KCNIP1: variants seen among roughly 807,000 people sequenced by gnomAD.
KCNIP1 encodes potassium voltage-gated channel interacting protein 1, also known as A-type potassium channel modulatory protein KCNIP1.
Under a neutral mutation model 33.0 loss-of-function variants are expected in KCNIP1, and 18 were observed. That is an observed-to-expected ratio of 0.55 (90% CI 0.38 to 0.81). The LOEUF is 0.81. Among genes scored for constraint, KCNIP1 ranks in the 30% least tolerant of loss-of-function variants. The probability of loss-of-function intolerance (pLI) is 0.00; values close to 1 mark genes in which losing one functional copy is unlikely to be tolerated. For missense variants in KCNIP1, 238 were observed against 271.6 expected (o/e 0.88, Z 0.87); for synonymous variants, 93 against 98.3 (o/e 0.95, Z 0.32).
chr5:170,610,450 AC>A (rs929513638), intron 1 of KCNIP1, among the ~76,000 whole-genome samples: 8 of 152,210 alleles, frequency 5.3e-5, no homozygotes, highest in African/African-American at 1.9e-4. Context: ...AAGCTATGTC[AC>A]CCAGACACAC....
intron 1 of KCNIP1, among the ~76,000 whole-genome samples, chr5:170,426,277 A>G (rs1438181365): frequency 1.3e-5 from 2 of 152,158 alleles, no homozygotes; most frequent in Admixed American, 6.5e-5. Context: ...ACACACAAAC[A>G]CACACACACA....
intron 1 of KCNIP1, among the ~76,000 whole-genome samples, chr5:170,691,126 T>A (rs2113815060): frequency 6.6e-6 from 1 of 152,384 alleles, no homozygotes; most frequent in Middle Eastern, 3.4e-3. Context: ...ACCACTGCCA[T>A]GACAACCATC....
intron 1 of KCNIP1, among the ~76,000 whole-genome samples, chr5:170,404,234 T>C (rs147702570): frequency 1.3e-5 from 2 of 152,352 alleles, no homozygotes; most frequent in African/African-American, 4.8e-5. Context: ...GTCTTAAAAA[T>C]TGGAAACTAA....
At chr5:170,548,540 C>A (rs1439702707) in intron 1 of KCNIP1, among the ~76,000 whole-genome samples, 3 of 152,206 alleles carry the variant, frequency 2.0e-5, no homozygotes, top group Non-Finnish European at 4.4e-5. Flanking sequence ...TGAGGTTTTT[C>A]AGACCACAAA....
chr5:170,731,320 A>G (rs1764185646), intron 5 of KCNIP1, among the ~76,000 whole-genome samples: 1 of 152,204 alleles, frequency 6.6e-6, no homozygotes, highest in South Asian at 2.1e-4. Flanking sequence ...TCATAACTAA[A>G]CCAGGGATTA....
intron 1 of KCNIP1, among the ~76,000 whole-genome samples, chr5:170,402,771 G>A (rs1754941174): frequency 6.6e-6 from 1 of 152,336 alleles, no homozygotes; most frequent in African/African-American, 2.4e-5. Flanking sequence ...TTGGGATGGA[G>A]GCAGGGGGAA....
chr5:170,539,857 A>G (rs923833960), intron 1 of KCNIP1, among the ~76,000 whole-genome samples: 3 of 152,190 alleles, frequency 2.0e-5, no homozygotes. Context: ...AAAAATTGCT[A>G]GAAGTTTAAA....
intron 1 of KCNIP1, among the ~76,000 whole-genome samples, chr5:170,558,195 C>T (rs1358477704): frequency 2.0e-5 from 3 of 152,158 alleles, no homozygotes; most frequent in Non-Finnish European, 2.9e-5. Flanking sequence ...GTGCCACCCA[C>T]GATCAAGGAA....
intron 1 of KCNIP1, among the ~76,000 whole-genome samples, chr5:170,621,592 C>G (rs1011226165): frequency 4.6e-5 from 7 of 152,170 alleles, no homozygotes; most frequent in Non-Finnish European, 8.8e-5. Flanking sequence ...CTCACTGCAG[C>G]CTTAAACTCC....
chr5:170,549,743 C>T (rs1756540673), intron 1 of KCNIP1, among the ~76,000 whole-genome samples: 1 of 152,160 alleles, frequency 6.6e-6, no homozygotes, highest in African/African-American at 2.4e-5. Flanking sequence ...ATTAAAGGCT[C>T]TAAGAAATCC....
At chr5:170,676,998 C>T (rs1017064233) in intron 1 of KCNIP1, among the ~76,000 whole-genome samples, 3 of 152,164 alleles carry the variant, frequency 2.0e-5, no homozygotes, top group Non-Finnish European at 4.4e-5. Flanking sequence ...ATTCCCCTAC[C>T]TGAAGTAACA....
At chr5:170,542,491 T>C (rs1756250228) in intron 1 of KCNIP1, among the ~76,000 whole-genome samples, 1 of 152,148 alleles carries the variant, frequency 6.6e-6, no homozygotes, top group African/African-American at 2.4e-5. Context: ...CAACCCTGCA[T>C]GGAAAAGAAA....
At chr5:170,574,072 A>G (rs1365844281) in intron 1 of KCNIP1, among the ~76,000 whole-genome samples, 1 of 152,218 alleles carries the variant, frequency 6.6e-6, no homozygotes, top group Non-Finnish European at 1.5e-5. Flanking sequence ...TTTTACTTTT[A>G]TTGCCATAGG....
At chr5:170,408,464 G>C (rs1755094961) in intron 1 of KCNIP1, among the ~76,000 whole-genome samples, 1 of 152,192 alleles carries the variant, frequency 6.6e-6, no homozygotes, top group Non-Finnish European at 1.5e-5. Context: ...CCAGGTGTCT[G>C]TGATTTCCAA....
intron 1 of KCNIP1, among the ~76,000 whole-genome samples, chr5:170,356,136 C>CTCCCCTAGGT (rs1763341303): frequency 6.6e-6 from 1 of 152,222 alleles, no homozygotes; most frequent in Non-Finnish European, 1.5e-5. Context: ...ATGTTTACAC[C>CTCCCCTAGGT]TCCCCTAGGT....
upstream of KCNIP1, among the ~76,000 whole-genome samples, chr5:170,501,917 C>T (rs1020686083): frequency 6.6e-6 from 1 of 152,206 alleles, no homozygotes; most frequent in Non-Finnish European, 1.5e-5. Context: ...CCTGCTCCAT[C>T]TTCCAGGATT....
intron 5 of KCNIP1, among the ~76,000 whole-genome samples, chr5:170,727,312 A>C (rs1363938157): frequency 6.6e-6 from 1 of 152,172 alleles, no homozygotes; most frequent in African/African-American, 2.4e-5. Context: ...CTTGAGAGGC[A>C]CTCACTGCGA....
intron 1 of KCNIP1, among the ~76,000 whole-genome samples, chr5:170,598,387 T>A (rs545650651): frequency 6.6e-6 from 1 of 152,276 alleles, no homozygotes; most frequent in African/African-American, 2.4e-5. Flanking sequence ...GAGTCCATGT[T>A]TGGTGAATGC....
At chr5:170,584,627 C>T (rs903410105) in intron 1 of KCNIP1, among the ~76,000 whole-genome samples, 1 of 152,142 alleles carries the variant, frequency 6.6e-6, no homozygotes, top group African/African-American at 2.4e-5. Context: ...GAGGGGTGCC[C>T]AGCCCCCGGC....
Sources: gnomAD v4.1 joint callset for allele counts (sites outside exome capture counted in the v4.1 genomes callset) on GRCh38, gnomAD v4.1.1 for gene constraint, MANE v1.5 for transcripts, NCBI Gene and HGNC (gene_info 2026-07-23, HGNC 2026-07-21) for gene names.